The following ZMYM2 variants were observed in gnomAD, a reference collection of about 807,000 sequenced individuals.
ZMYM2 encodes the protein zinc finger MYM-type containing 2, also known as zinc finger MYM-type protein 2.
In ZMYM2, 56 loss-of-function variants were observed where a neutral mutation model predicts 162.8. The observed-to-expected ratio is 0.34, with a 90% confidence interval of 0.28 to 0.43. ZMYM2 has a LOEUF of 0.43. ZMYM2 is among the 20% of genes least tolerant of loss of function. ZMYM2 has a pLI of 1.00. For synonymous variants in ZMYM2, 510 were observed against 541.6 expected (o/e 0.94, Z 0.81); for missense variants, 1,275 against 1,621.8 (o/e 0.79, Z 3.67).
the ZMYM2 span, among the ~76,000 whole-genome samples, chr13:19,877,233 G>T: frequency 1.4e-5 from 2 of 141,102 alleles, no homozygotes; most frequent in African/African-American, 2.6e-5. Context: ...AAAAAACAAA[G>T]AAGTTTATTT....
the ZMYM2 span, among the ~76,000 whole-genome samples, chr13:19,877,949 T>A: frequency 6.6e-6 from 1 of 152,190 alleles, no homozygotes; most frequent in African/African-American, 2.4e-5. Flanking sequence ...ACATTTTAAA[T>A]TTTTGGCTGT....
chr13:20,068,717 A>G (rs570296253), intron 21 of ZMYM2, among the ~76,000 whole-genome samples: 4 of 152,202 alleles, frequency 2.6e-5, no homozygotes, highest in South Asian at 4.1e-4. Context: ...TTTCAGAACA[A>G]TTTATTTAAG....
chr13:20,019,746 T>C lies in ZMYM2; in HGVS notation c.1584+128T>C, dbSNP rs1001583430. On this transcript the variant is annotated intron_variant, in intron 7 of 24. Transcript: ENST00000610343. ...TTAAAATTTCCAAACTTAAATTGTA[T>C]CAAATGATGAATGTTTTATCTCTGA... 1.0e-5 allele frequency: 8 copies of C among 799,684 alleles called. No individual in the cohort carries two copies. The Admixed American group carries it at 1.3e-4, about 13-fold the overall frequency. 49.5% of individuals were successfully genotyped at this position (799,684 alleles called of 1,614,324 possible).
rs1398496754 is a variant in ZMYM2, at chr13:20,024,265, A to G, written c.1585-2347A>G. The G allele has an allele frequency of 1.4e-4, 26 of 185,948 alleles. No homozygotes were observed. The East Asian group carries it at 2.3e-3, about 16-fold the overall frequency. 11.5% of individuals were successfully genotyped at this position (185,948 alleles called of 1,614,324 possible). A position where few individuals can be genotyped will look rare whatever the true frequency, so the allele number is the denominator to read the frequency against. On this transcript the variant is annotated intron_variant, in intron 7 of 24. Transcript: ENST00000610343. ...TCTTTAGATAAAATTATTTGTCTGT[A>G]TGAAACAGTTGCCTAACTCCATGTT... is the stretch of plus-strand genomic sequence containing the variant.
At chr13:19,910,988 A>G in the ZMYM2 span, among the ~76,000 whole-genome samples, 2 of 151,318 alleles carry the variant, frequency 1.3e-5, no homozygotes, top group African/African-American at 4.8e-5. Flanking sequence ...TCAGATGAAC[A>G]CATGCCTAAC....
intron 5 of ZMYM2, among the ~76,000 whole-genome samples, chr13:20,005,980 C>T (rs1004190607): frequency 6.6e-6 from 1 of 152,068 alleles, no homozygotes; most frequent in Non-Finnish European, 1.5e-5. Context: ...CTATATAATC[C>T]TAGCACTTTG....
intron 21 of ZMYM2, chr13:20,071,120 C>G (rs1259711045): frequency 1.3e-5 from 2 of 152,238 alleles, no homozygotes; most frequent in African/African-American, 4.8e-5. Flanking sequence ...GAGTCTTGCT[C>G]TGTCATCCAG....
At chr13:20,005,050 T>C (rs758623966) in intron 4 of ZMYM2, 24 bp from the exon 5 acceptor site, 33 of 1,572,046 alleles carry the variant, frequency 2.1e-5, no homozygotes, top group Non-Finnish European at 2.8e-5. Context: ...AATGGAATTT[T>C]AATATGTACC....
chr13:20,028,997 A>G (rs753479717), intron 9 of ZMYM2, among the ~76,000 whole-genome samples: 9 of 152,172 alleles, frequency 5.9e-5, no homozygotes, highest in Non-Finnish European at 1.3e-4. Context: ...TCATAAAGCA[A>G]ACCATATATT....
At chr13:19,960,991 T>C (rs2139045415) in intron 2 of ZMYM2, among the ~76,000 whole-genome samples, 1 of 152,296 alleles carries the variant, frequency 6.6e-6, no homozygotes, top group African/African-American at 2.4e-5. Flanking sequence ...AATAGTAACT[T>C]ACATTAAATA....
the ZMYM2 span, among the ~76,000 whole-genome samples, chr13:19,948,000 TAA>T: frequency 1.9e-4 from 7 of 36,468 alleles, no homozygotes; most frequent in Admixed American, 4.1e-4. Flanking sequence ...ATCCTGTAAG[TAA>T]AAAAAAAAAA....
intron 19 of ZMYM2, 172 bp from the exon 20 acceptor site, chr13:20,066,679 T>C: frequency 4.0e-6 from 2 of 500,030 alleles, no homozygotes; most frequent in Non-Finnish European, 6.6e-6. Context: ...AGAAGGAGGT[T>C]GGAGAGGCAG....
rs372780371 is a variant in ZMYM2 at position 20,052,326 on chromosome 13, A to G, written c.2493+15A>G. The G allele has an allele frequency of 4.3e-5, 68 of 1,568,080 alleles. No homozygotes were observed. Among genetic ancestry groups the G allele is most frequent in the Non-Finnish European group, 5.8e-5 (67 of 1,155,664 alleles). ...CCAAAATGACAGTAAGTATTGGTGA[A>G]ATGGAGTGCTGAATTGTGATTTTTG... On this transcript the variant is annotated intron_variant, in intron 14 of 24. Coordinates refer to ENST00000610343, the MANE Select transcript of ZMYM2 (RefSeq NM_197968.4).
intron 9 of ZMYM2, among the ~76,000 whole-genome samples, chr13:20,029,583 G>A (rs1044102263): frequency 1.3e-5 from 2 of 152,108 alleles, no homozygotes; most frequent in African/African-American, 2.4e-5. Context: ...GTTGTACAGT[G>A]TATGCAGAAG....
At chr13:19,954,289 T>C (rs375208555), upstream of ZMYM2, among the ~76,000 whole-genome samples, 186 of 151,632 alleles carry the variant, frequency 1.2e-3, 1 homozygote, top group Middle Eastern at 0.024. Context: ...CCACCATGCC[T>C]GGCTAATTTT....
chr13:20,028,523 T>G lies in ZMYM2; in HGVS notation c.1851+1205T>G, dbSNP rs1224940185. ...TGATAAGATCCTCTGTATATGTACA[T>G]TGTATATTTTAAGATATACAGTTAC... On this transcript the variant is annotated intron_variant, in intron 9 of 24. Transcript: ENST00000610343. Among the ~76,000 whole-genome samples the G allele has an allele frequency of 2.0e-5, 3 of 152,170 alleles. No homozygotes were observed. In the East Asian group the frequency reaches 5.8e-4, roughly 29 times the overall value.
chr13:19,888,699 A>T, the ZMYM2 span, among the ~76,000 whole-genome samples: 3 of 151,776 alleles, frequency 2.0e-5, no homozygotes, highest in Admixed American at 6.6e-5. Flanking sequence ...TCCTGATTTC[A>T]AGAGATTCTC....
intron 2 of ZMYM2, among the ~76,000 whole-genome samples, chr13:19,985,044 C>G (rs548108513): frequency 1.6e-4 from 24 of 152,304 alleles, no homozygotes; most frequent in Admixed American, 5.2e-4. Flanking sequence ...GAGCTGTTAT[C>G]TCATTTCTGT....
upstream of ZMYM2, among the ~76,000 whole-genome samples, chr13:19,957,728 G>C (rs1479694560): frequency 6.6e-6 from 1 of 152,240 alleles, no homozygotes; most frequent in Admixed American, 6.5e-5. Context: ...CCAGCGCCCC[G>C]GGCTGCGGAG....
Sources: allele counts gnomAD v4.1 joint callset (sites outside exome capture counted in the v4.1 genomes callset), GRCh38; gene constraint gnomAD v4.1.1; transcripts MANE v1.5; gene names NCBI Gene and HGNC (gene_info 2026-07-23, HGNC 2026-07-21).